Variants in ZRANB1 observed in about 807,000 individuals in gnomAD.
The protein encoded by ZRANB1 is ubiquitin thioesterase ZRANB1.
Under a neutral mutation model 80.5 loss-of-function variants are expected in ZRANB1, and 16 were observed. That is an observed-to-expected ratio of 0.20 (90% CI 0.13 to 0.30). The LOEUF (loss-of-function observed/expected upper bound fraction) is 0.30. Ranked by LOEUF, ZRANB1 falls within the 10% of genes least tolerant of loss-of-function variation. The pLI, the probability that ZRANB1 is intolerant of heterozygous loss-of-function variation, is 1.00. For missense variants in ZRANB1, 576 were observed against 862.6 expected, an observed-to-expected ratio of 0.67 and a Z score of 4.16; for synonymous variants, 291 against 293.1, an observed-to-expected ratio of 0.99 and a Z score of 0.07.
At chr10:124,973,057 A>G (rs1366112956) in intron 3 of ZRANB1, among the ~76,000 whole-genome samples, 1 of 152,232 alleles carries the variant, frequency 6.6e-6, no homozygotes, top group Non-Finnish European at 1.5e-5. Context: ...GGAGATAGTA[A>G]CTAAGTTTTC....
At chr10:124,973,364 C>T (rs962437669) in intron 3 of ZRANB1, among the ~76,000 whole-genome samples, 2 of 151,902 alleles carry the variant, frequency 1.3e-5, no homozygotes, top group Non-Finnish European at 2.9e-5. Context: ...GCCGTGTTGC[C>T]CAGGCTGGGC....
chr10:124,969,305 A>G (rs1480795932), intron 2 of ZRANB1, among the ~76,000 whole-genome samples: 4 of 152,118 alleles, frequency 2.6e-5, no homozygotes, highest in African/African-American at 9.7e-5. Flanking sequence ...GGAGAGGTGG[A>G]GGGGATTTGT....
chr10:124,978,417 C>T (rs1382919842), intron 5 of ZRANB1, among the ~76,000 whole-genome samples: 2 of 152,256 alleles, frequency 1.3e-5, no homozygotes, highest in East Asian at 1.9e-4. Flanking sequence ...ATTTGAACCC[C>T]TCCACCCGTC....
At chr10:124,948,417 C>T (rs1951602821) in intron 1 of ZRANB1, among the ~76,000 whole-genome samples, 1 of 152,020 alleles carries the variant, frequency 6.6e-6, no homozygotes, top group African/African-American at 2.4e-5. Flanking sequence ...GGAGATTGGT[C>T]CCCCTAATCT....
At chr10:124,949,692 T>A (rs1003589401) in intron 1 of ZRANB1, among the ~76,000 whole-genome samples, 1 of 152,098 alleles carries the variant, frequency 6.6e-6, no homozygotes, top group Non-Finnish European at 1.5e-5. Flanking sequence ...CCGCCAATTT[T>A]AAAAATGATT....
At chr10:124,938,780 C>T (rs910977230), upstream of ZRANB1, among the ~76,000 whole-genome samples, 1 of 151,450 alleles carries the variant, frequency 6.6e-6, no homozygotes, top group Non-Finnish European at 1.5e-5. Context: ...AATCATAACT[C>T]ACTGTAGTCT....
the ZRANB1 span, among the ~76,000 whole-genome samples, chr10:124,928,677 T>C: frequency 1.6e-4 from 25 of 152,222 alleles, no homozygotes; most frequent in Non-Finnish European, 2.8e-4. Context: ...GATACATCTG[T>C]GAACAAGACA....
rs186088073 is a variant in ZRANB1, at chr10:124,959,701, C to G, written c.815-6893C>G. On this transcript the variant is annotated intron_variant, in intron 1 of 8. Coordinates refer to ENST00000359653, the MANE Select transcript of ZRANB1 (RefSeq NM_017580.3). Reference sequence around the variant, plus strand: ...TCTTGAACTGCTGAGCTCAAGCAGTCTGCCCTCCTTGGGCTTCCAAAGTGC... The same window carrying G: ...TCTTGAACTGCTGAGCTCAAGCAGTGTGCCCTCCTTGGGCTTCCAAAGTGC... 3.3e-5 allele frequency among the ~76,000 whole-genome samples: 5 copies of G among 152,278 alleles called. No individual in the cohort carries two copies. The East Asian group carries it at 7.7e-4, about 24-fold the overall frequency.
chr10:124,946,598 C>T (rs1392862572), intron 1 of ZRANB1, among the ~76,000 whole-genome samples: 1 of 152,094 alleles, frequency 6.6e-6, no homozygotes, highest in Non-Finnish European at 1.5e-5. Flanking sequence ...GTAATGTGGA[C>T]TATGTCTTTC....
chr10:124,984,320 T>G (rs1951978040), intron 8 of ZRANB1: 1 of 155,802 alleles, frequency 6.4e-6, no homozygotes, highest in Non-Finnish European at 1.4e-5. Flanking sequence ...GCCAGTATTC[T>G]TATAAAAGTA....
intron 2 of ZRANB1, among the ~76,000 whole-genome samples, chr10:124,969,743 G>C (rs1039524450): frequency 6.6e-6 from 1 of 152,158 alleles, no homozygotes; most frequent in African/African-American, 2.4e-5. Context: ...GGGGATAATT[G>C]ATTTAACTTG....
intron 6 of ZRANB1, among the ~76,000 whole-genome samples, chr10:124,982,347 T>C (rs923865840): frequency 6.6e-6 from 1 of 152,188 alleles, no homozygotes; most frequent in Admixed American, 6.5e-5. Context: ...CTGTGTCATG[T>C]AGGCAAAGGA....
chr10:124,946,056 C>G (rs1286287332), intron 1 of ZRANB1: 3 of 152,120 alleles, frequency 2.0e-5, no homozygotes, highest in Non-Finnish European at 4.4e-5. Flanking sequence ...CCCAGAGTGC[C>G]AGGATTACAG....
At chr10:124,947,753 C>G (rs1293342334) in intron 1 of ZRANB1, among the ~76,000 whole-genome samples, 1 of 152,158 alleles carries the variant, frequency 6.6e-6, no homozygotes, top group East Asian at 1.9e-4. Flanking sequence ...TCTTCTTTCT[C>G]TTATGCCCCA....
Position 124,974,360 on chromosome 10 carries a change from G to A in ZRANB1, c.1389G>A (p.Arg463=), listed in dbSNP as rs773324833. 1 of 1,614,108 alleles carries A rather than the reference G, an allele frequency of 6.2e-7. No individual in the cohort carries two copies. The highest frequency in any genetic ancestry group is 1.3e-5 in the African/African-American group (1 of 74,940). ...TCTATGACAAGGACTCAGTGCTTCG[G>A]AAAGCCCTGCATGACAGCCTGCATG... ...WGIYDKDSVL[R]KALHDSLHDC... The change falls in exon 5 of 9, where the codon CGG becomes CGA. Residue 463 remains arginine (R), a synonymous_variant. Transcript: ENST00000359653.
the ZRANB1 span, among the ~76,000 whole-genome samples, chr10:124,922,326 G>GTAAAA: frequency 3.9e-5 from 1 of 25,626 alleles, no homozygotes; most frequent in African/African-American, 7.2e-5. Context: ...TAAAATATAT[G>GTAAAA]TATATATATA....
chr10:124,955,775 T>C (rs1024559792), intron 1 of ZRANB1, among the ~76,000 whole-genome samples: 12 of 152,216 alleles, frequency 7.9e-5, no homozygotes, highest in Non-Finnish European at 1.2e-4. Context: ...TTTAAGTGAA[T>C]TGTGAGAATT....
At chr10:124,925,868 T>G in the ZRANB1 span, among the ~76,000 whole-genome samples, 2 of 152,308 alleles carry the variant, frequency 1.3e-5, no homozygotes, top group Admixed American at 1.3e-4. Flanking sequence ...AATGCATTTT[T>G]AGGTGATTTT....
chr10:124,965,108 A>T (rs1011113871), intron 1 of ZRANB1, among the ~76,000 whole-genome samples: 2 of 152,204 alleles, frequency 1.3e-5, no homozygotes, highest in East Asian at 3.8e-4. Context: ...CCTTTATCTC[A>T]TGCCATCCTT....
Sources: allele counts gnomAD v4.1 joint callset (sites outside exome capture counted in the v4.1 genomes callset), GRCh38; gene constraint gnomAD v4.1.1; transcripts MANE v1.5; gene names NCBI Gene and HGNC (gene_info 2026-07-23, HGNC 2026-07-21).